Variants in PCDHGA2 observed in about 807,000 individuals in gnomAD.
PCDHGA2 encodes protocadherin gamma-A2.
Under a neutral mutation model 59.2 loss-of-function variants are expected in PCDHGA2, and 40 were observed. The ratio of observed to expected loss-of-function variants is 0.68; its 90% CI spans 0.52 to 0.88. PCDHGA2 has a LOEUF of 0.88. Among genes scored for constraint, PCDHGA2 ranks in the 40% least tolerant of loss-of-function variants. PCDHGA2 has a pLI of 0.00. For missense variants in PCDHGA2, 1,226 were observed against 1,204.0 expected, an observed-to-expected ratio of 1.02 and a Z score of -0.27; for synonymous variants, 560 against 526.0, an observed-to-expected ratio of 1.06 and a Z score of -0.89.
At chr5:141,411,302 G>T (rs1165336405) in intron 1 of PCDHGA2, 1 of 152,134 alleles carries the variant, frequency 6.6e-6, no homozygotes, top group Admixed American at 6.6e-5. Context: ...AGGCCCAGTG[G>T]CTCACACCTA....
In PCDHGA2 at chr5:141,491,511, C is replaced by G. The variant is rs777448782; in HGVS notation, c.2425-3296C>G. 6.2e-7 allele frequency: 1 copy of G among 1,614,080 alleles called. No individual in the cohort carries two copies. The highest frequency in any genetic ancestry group is 8.5e-7 in the Non-Finnish European group (1 of 1,180,018). ...TGCAGGTGAGCTCGGACGGCACGCT[C>G]AAGTACATGGAGGTGACGCTGCGGC... On this transcript the variant is annotated intron_variant, in intron 1 of 3. Transcript: ENST00000394576. This position sits in a 1 kb window ranked among gnomAD's most constrained non-coding sequence, Gnocchi z 6.9.
intron 1 of PCDHGA2, chr5:141,365,446 T>C: frequency 6.2e-7 from 1 of 1,614,030 alleles, no homozygotes; most frequent in Non-Finnish European, 8.5e-7. Flanking sequence ...TTAGCGTACA[T>C]GATGGTGATT....
In PCDHGA2 at chr5:141,431,584, G is replaced by C. The variant is rs201462681; in HGVS notation, c.2425-63223G>C. 5.0e-6 allele frequency: 8 copies of C among 1,614,192 alleles called. No individual in the cohort carries two copies. The Admixed American group carries it at 1.3e-4, about 27-fold the overall frequency. ...CCGACCCTGACGAAGGAGTCAATGC[G>C]GAAGTGAGGTATTCCTTCCGGTATG... On this transcript the variant is annotated intron_variant, in intron 1 of 3. Transcript: ENST00000394576. This position sits in a 1 kb window ranked among gnomAD's most constrained non-coding sequence, Gnocchi z 4.8.
intron 1 of PCDHGA2, among the ~76,000 whole-genome samples, chr5:141,425,025 T>C (rs1416166875): frequency 1.3e-5 from 2 of 152,236 alleles, no homozygotes; most frequent in Non-Finnish European, 2.9e-5. Flanking sequence ...ATTTACCTTA[T>C]GTCATTAGTT....
chr5:141,486,489 G>T lies in PCDHGA2; in HGVS notation c.2425-8318G>T. 2 of 1,614,060 alleles carry T rather than the reference G, an allele frequency of 1.2e-6. No homozygotes were observed. The highest frequency in any genetic ancestry group is 1.7e-6 in the Non-Finnish European group (2 of 1,179,892). ...GGGAACCCTCCTCTCAGTACCCACA[G>T]AACTATTTTCCTCAATATTTCAGAT... On this transcript the variant is annotated intron_variant, in intron 1 of 3. Coordinates refer to ENST00000394576, the MANE Select transcript of PCDHGA2 (RefSeq NM_018915.4). The surrounding 1 kb of genome is among the most constrained non-coding windows in gnomAD (Gnocchi z 5.0).
intron 1 of PCDHGA2, chr5:141,423,368 C>A: frequency 3.1e-6 from 5 of 1,614,200 alleles, no homozygotes; most frequent in Non-Finnish European, 4.2e-6. Context: ...GTGCTGCTGG[C>A]ACTCAGGCTG....
intron 1 of PCDHGA2, chr5:141,384,102 T>G (rs1156310174): frequency 1.3e-6 from 2 of 1,599,484 alleles, no homozygotes; most frequent in Admixed American, 3.4e-5. Flanking sequence ...TAGATAATTA[T>G]TATAGATTGG....
rs749499883 is a variant in PCDHGA2 at position 141,486,382 on chromosome 5, C to T, written c.2425-8425C>T. ...TTGCCCTCAAGTCTGCCTTCAGGAA[C>T]CAGTTCTCCCTGGTGACTGCTGGAC... is the stretch of plus-strand genomic sequence containing the variant. On this transcript the variant is annotated intron_variant, in intron 1 of 3. Transcript: ENST00000394576. The surrounding 1 kb of genome is among the most constrained non-coding windows in gnomAD (Gnocchi z 5.0). 25 of 1,613,986 alleles carry T rather than the reference C, an allele frequency of 1.5e-5. No homozygotes were observed. The highest frequency in any genetic ancestry group is 1.9e-5 in the Non-Finnish European group (23 of 1,179,998).
At position 141,487,666 on chromosome 5, in the gene PCDHGA2, C is replaced by T. The variant is rs2099657736; in HGVS notation, c.2425-7141C>T. 1 of 1,612,838 alleles carries T rather than the reference C, an allele frequency of 6.2e-7. No homozygotes were observed. Among genetic ancestry groups the T allele is most frequent in the South Asian group, 1.1e-5 (1 of 90,712 alleles). Reference sequence around the variant, plus strand: ...TGCTTGAGGGTTATTCTGATCCAGGCATATGGCTAGGCCATGTCCTAGAGA... The same window carrying T: ...TGCTTGAGGGTTATTCTGATCCAGGTATATGGCTAGGCCATGTCCTAGAGA... On this transcript the variant is annotated intron_variant, in intron 1 of 3. Coordinates refer to ENST00000394576, the MANE Select transcript of PCDHGA2 (RefSeq NM_018915.4). This position sits in a 1 kb window ranked among gnomAD's most constrained non-coding sequence, Gnocchi z 5.0.
chr5:141,408,660 C>A, intron 1 of PCDHGA2: 3 of 1,613,980 alleles, frequency 1.9e-6, no homozygotes, highest in Non-Finnish European at 1.7e-6. Flanking sequence ...ACACGACTAT[C>A]GCTTGACCCT....
At chr5:141,409,893 A>G in intron 1 of PCDHGA2, 2 of 1,613,138 alleles carry the variant, frequency 1.2e-6, no homozygotes, top group Middle Eastern at 3.3e-4. Flanking sequence ...CGGGTGCTGT[A>G]CCCAGCTCTG....
chr5:141,363,901 T>C (rs1190403839), intron 1 of PCDHGA2, among the ~76,000 whole-genome samples: 2 of 152,240 alleles, frequency 1.3e-5, no homozygotes, highest in African/African-American at 4.8e-5. Context: ...CGATGACGCA[T>C]TAAATAAAAT....
At chr5:141,510,525 G>A (rs545854649) in intron 3 of PCDHGA2, among the ~76,000 whole-genome samples, 1 of 152,316 alleles carries the variant, frequency 6.6e-6, no homozygotes, top group African/African-American at 2.4e-5. Context: ...ACAGCCCTGA[G>A]AGAAATACCA....
rs141947870 is a variant in PCDHGA2 at position 141,340,600 on chromosome 5, T to C, written c.1629T>C (p.Ser543=). Residue 543 remains serine (S), a synonymous_variant, in exon 1 of 4, where the codon AGT becomes AGC. Transcript: ENST00000394576. ...GGGACAGCGGGAACCCTCCACTCAG[T>C]AGCAATGTATCATTAAGCCTGTTCG... ...IARDSGNPPL[S]SNVSLSLFVL... is the part of the protein sequence containing the mutation. The C allele has an allele frequency of 1.6e-4, 255 of 1,614,140 alleles. 1 individual carries two copies. The highest frequency in any genetic ancestry group is 6.3e-4 in the Admixed American group (38 of 60,026).
chr5:141,372,357 T>C (rs756040915), intron 1 of PCDHGA2: 19 of 1,613,806 alleles, frequency 1.2e-5, no homozygotes, highest in Non-Finnish European at 1.4e-5. Context: ...GCAGCCTCTT[T>C]CAGCCACCGT....
At chr5:141,497,201 G>A (rs1190666375) in intron 2 of PCDHGA2, among the ~76,000 whole-genome samples, 1 of 93,734 alleles carries the variant, frequency 1.1e-5, no homozygotes, top group African/African-American at 8.6e-5. Flanking sequence ...AGAACAATGT[G>A]AGTGTAATGG....
intron 1 of PCDHGA2, among the ~76,000 whole-genome samples, chr5:141,450,005 T>A (rs1439257597): frequency 1.0e-5 from 1 of 99,604 alleles, no homozygotes; most frequent in Non-Finnish European, 1.8e-5. Context: ...TTGCCATGTC[T>A]CTTTTTTTTT....
intron 1 of PCDHGA2, chr5:141,403,237 CTG>C (rs1436614562): frequency 1.2e-6 from 2 of 1,613,942 alleles, no homozygotes; most frequent in Admixed American, 1.7e-5. Flanking sequence ...GGGAGGAGCT[CTG>C]TGCTCAGAGC....
chr5:141,499,466 G>C (rs1337970911), intron 2 of PCDHGA2, among the ~76,000 whole-genome samples: 1 of 152,034 alleles, frequency 6.6e-6, no homozygotes, highest in African/African-American at 2.4e-5. Flanking sequence ...TTACAATCTA[G>C]GGAGAACCAC....
Sources: allele counts gnomAD v4.1 joint callset (sites outside exome capture counted in the v4.1 genomes callset), GRCh38; gene constraint gnomAD v4.1.1; non-coding constraint Gnocchi (gnomAD v3.1); transcripts MANE v1.5; gene names NCBI Gene and HGNC (gene_info 2026-07-23, HGNC 2026-07-21).